USP30: variants seen among roughly 807,000 people sequenced by gnomAD.
USP30 encodes ubiquitin specific peptidase 30.
A neutral mutation model predicts 68.2 loss-of-function variants in USP30; 41 were observed. That is an observed-to-expected ratio of 0.60 (90% CI 0.47 to 0.78). The LOEUF is 0.78. Among genes scored for constraint, USP30 ranks in the 30% least tolerant of loss-of-function variants. The pLI is 0.00. For synonymous variants in USP30, 229 were observed against 253.7 expected (o/e 0.90, Z 0.93); for missense variants, 522 against 649.4 (o/e 0.80, Z 2.13).
At chr12:109,045,324 A>G (rs2040595530) in intron 3 of USP30, among the ~76,000 whole-genome samples, 1 of 152,068 alleles carries the variant, frequency 6.6e-6, no homozygotes, top group Admixed American at 6.5e-5. Context: ...TCCATTTCCT[A>G]TCCTCTCTTT....
chr12:109,055,840 A>G (rs1406839269), intron 1 of USP30, among the ~76,000 whole-genome samples: 2 of 151,872 alleles, frequency 1.3e-5, no homozygotes, highest in African/African-American at 2.4e-5. Flanking sequence ...GAAAAGAAAA[A>G]AAACATAGCG....
chr12:109,052,750 G>A lies in USP30; in HGVS notation c.72G>A (p.Gly24=), dbSNP rs769205596. 1.4e-6 allele frequency: 2 copies of A among 1,456,950 alleles called. No homozygotes were observed. Among genetic ancestry groups the A allele is most frequent in the East Asian group, 5.5e-5 (2 of 36,528 alleles). The allele number at this position is 1,456,950 out of a possible 1,614,324, so 90.3% of individuals were successfully genotyped here. A position where few individuals can be genotyped will look rare whatever the true frequency, so the allele number is the denominator to read the frequency against. ...DRAIQRFLRT[G]AAVRYKVMKN... ...CCATCCAGCGCTTCCTGCGGACCGG[G>A]GCGGCCGTCAGGTGAGATTTTGGGG... The change falls in exon 1 of 13, where the codon GGG becomes GGA. Residue 24 remains glycine, a synonymous_variant. Transcript: ENST00000257548.
intron 3 of USP30, among the ~76,000 whole-genome samples, chr12:109,042,435 C>T (rs900679962): frequency 1.3e-5 from 2 of 152,108 alleles, no homozygotes; most frequent in African/African-American, 4.8e-5. Flanking sequence ...TTTATTCTCT[C>T]ACACAAATGA....
intron 3 of USP30, among the ~76,000 whole-genome samples, chr12:109,034,640 G>C (rs1454062317): frequency 5.3e-5 from 8 of 152,206 alleles, no homozygotes; most frequent in Admixed American, 5.2e-4. Context: ...GTTAGAAACA[G>C]TTTATAGTGT....
intron 3 of USP30, among the ~76,000 whole-genome samples, chr12:109,031,045 C>T (rs1311007399): frequency 1.3e-5 from 2 of 152,044 alleles, no homozygotes; most frequent in Non-Finnish European, 2.9e-5. Flanking sequence ...GTCTTTACAA[C>T]TCTCCTGTAA....
At position 109,073,455 on chromosome 12, in the gene USP30, T is replaced by A. The variant is rs1281231166; in HGVS notation, c.643T>A (p.Ser215Thr). The A allele has an allele frequency of 1.9e-6, 3 of 1,614,072 alleles. No individual in the cohort carries two copies. Among genetic ancestry groups the A allele is most frequent in the Middle Eastern group, 3.3e-4 (2 of 6,062 alleles). ...CATTCCAGGGTCACCTCACCCTACA[T>A]CCAATCACTGGAAGTCTCAACATCC... ...CRTRGSPHPT[S>T]NHWKSQHPFH... The change falls in exon 7 of 13, where the codon TCC (serine) becomes ACC (threonine). Residue 215 changes from serine (S) to threonine (T), a missense_variant. Coordinates refer to ENST00000257548, the MANE Select transcript of USP30 (RefSeq NM_032663.5).
chr12:109,045,851 TATAG>T (rs373949085), intron 3 of USP30, among the ~76,000 whole-genome samples: 496 of 152,232 alleles, frequency 3.3e-3, no homozygotes, highest in African/African-American at 0.012. Flanking sequence ...GTATAGATCA[TATAG>T]ATACAGACAT....
chr12:109,074,133 G>A (rs1421137198), intron 7 of USP30, among the ~76,000 whole-genome samples: 1 of 152,068 alleles, frequency 6.6e-6, no homozygotes, highest in Non-Finnish European at 1.5e-5. Context: ...GTAATGTGTG[G>A]CTTTTTGTGT....
At chr12:109,061,545 A>T (rs2041067165) in intron 3 of USP30, among the ~76,000 whole-genome samples, 1 of 151,656 alleles carries the variant, frequency 6.6e-6, no homozygotes, top group Non-Finnish European at 1.5e-5. Flanking sequence ...GGTAGCTGGG[A>T]CTACAGGCAC....
At chr12:109,081,621 GCGCA>G (rs769961519) in intron 8 of USP30, 6,322 of 544,540 alleles carry the variant, frequency 0.012, 32 homozygotes, top group Non-Finnish European at 0.016. Flanking sequence ...GCACGCATGC[GCGCA>G]CACACACACA....
chr12:109,027,866 T>C (rs1226351362), intron 3 of USP30, among the ~76,000 whole-genome samples: 1 of 152,212 alleles, frequency 6.6e-6, no homozygotes. Flanking sequence ...TGGTCTACAG[T>C]GTATCCCTTT....
At chr12:109,026,350 C>T (rs1404602745) in intron 2 of USP30, among the ~76,000 whole-genome samples, 3 of 151,208 alleles carry the variant, frequency 2.0e-5, no homozygotes, top group Non-Finnish European at 4.4e-5. Flanking sequence ...TGCTGGGATA[C>T]AGTTGTGAGC....
At chr12:109,054,185 G>A (rs759899100) in intron 1 of USP30, 6 of 400,412 alleles carry the variant, frequency 1.5e-5, no homozygotes, top group Non-Finnish European at 3.0e-5. Flanking sequence ...GTGAACTCAC[G>A]TATCGTGTAA....
rs965024446 is a variant in USP30 at position 109,084,012 on chromosome 12, T to G, written c.1169-941T>G. 2.0e-5 allele frequency among the ~76,000 whole-genome samples: 3 copies of G among 152,222 alleles called. No individual in the cohort carries two copies. In the East Asian group the frequency reaches 5.8e-4, roughly 29 times the overall value. ...ACCTCTGCACCCCAGCTTCCCCATC[T>G]CCTGGGCTGGGGTGCAGGTTTACTA... On this transcript the variant is annotated intron_variant, in intron 11 of 12. Coordinates refer to ENST00000257548, the MANE Select transcript of USP30 (RefSeq NM_032663.5).
chr12:109,023,989 A>G (rs1175701040), intron 1 of USP30, among the ~76,000 whole-genome samples: 1 of 151,920 alleles, frequency 6.6e-6, no homozygotes, highest in African/African-American at 2.4e-5. Context: ...TCAAAGGAAA[A>G]AGGGAGTTTG....
At chr12:109,058,157 C>G (rs1264027390) in intron 3 of USP30, 49 bp downstream of exon 3, 1 of 1,532,960 alleles carries the variant, frequency 6.5e-7, no homozygotes, top group Non-Finnish European at 8.8e-7. Context: ...TCAAAGAAGT[C>G]CAGATGACAG....
At chr12:109,028,252 T>C (rs1032305557) in intron 3 of USP30, among the ~76,000 whole-genome samples, 1 of 152,218 alleles carries the variant, frequency 6.6e-6, no homozygotes, top group Non-Finnish European at 1.5e-5. Flanking sequence ...GAATATTCTA[T>C]TAGGCCATTT....
intron 7 of USP30, among the ~76,000 whole-genome samples, chr12:109,079,261 G>A (rs2041706990): frequency 7.6e-6 from 1 of 131,862 alleles, no homozygotes; most frequent in East Asian, 2.4e-4. Context: ...TCTTCTGTGT[G>A]TTCTTTAAAT....
intron 4 of USP30, among the ~76,000 whole-genome samples, chr12:109,071,393 G>A (rs571880788): frequency 1.3e-5 from 2 of 152,214 alleles, no homozygotes; most frequent in Non-Finnish European, 2.9e-5. Flanking sequence ...GCAGCCACCT[G>A]GCTTTCTCTC....
Sources: gnomAD v4.1 joint callset for allele counts (sites outside exome capture counted in the v4.1 genomes callset) on GRCh38, gnomAD v4.1.1 for gene constraint, MANE v1.5 for transcripts, NCBI Gene and HGNC (gene_info 2026-07-23, HGNC 2026-07-21) for gene names.